VWA5B1: variants seen among roughly 807,000 people sequenced by gnomAD.
The protein encoded by VWA5B1 is von Willebrand factor A domain containing 5B1, also known as von Willebrand factor A domain-containing protein 5B1.
A neutral mutation model predicts 118.2 loss-of-function variants in VWA5B1; 115 were observed. The observed-to-expected ratio is 0.97, with a 90% CI of 0.84 to 1.14. The LOEUF is 1.14. Ranked by LOEUF, VWA5B1 falls within the 50% of genes most tolerant of loss-of-function variation. The pLI, the probability that VWA5B1 is intolerant of heterozygous loss-of-function variation, is 0.00. For synonymous variants in VWA5B1, 682 were observed against 658.4 expected, an observed-to-expected ratio of 1.04 and a Z score of -0.55; for missense variants, 1,596 against 1,603.8, an observed-to-expected ratio of 1.00 and a Z score of 0.08.
At chr1:20,348,427 C>A in intron 18 of VWA5B1, 69 bp downstream of exon 18, 1 of 1,482,012 alleles carries the variant, frequency 6.7e-7, no homozygotes, top group Non-Finnish European at 9.2e-7. Flanking sequence ...GAGGTTACCG[C>A]GTCCTCCTGT....
intron 1 of VWA5B1, among the ~76,000 whole-genome samples, chr1:20,296,333 T>C (rs2088406611): frequency 6.6e-6 from 1 of 152,228 alleles, no homozygotes; most frequent in Admixed American, 6.5e-5. Context: ...GGTAAGCAGC[T>C]GATTATACAA....
chr1:20,305,176 G>A (rs184158593), intron 1 of VWA5B1, among the ~76,000 whole-genome samples: 4 of 152,248 alleles, frequency 2.6e-5, no homozygotes, highest in Non-Finnish European at 5.9e-5. Flanking sequence ...AAGAAAGGAA[G>A]CTGGAAAGTG....
At position 20,343,402 on chromosome 1, in the gene VWA5B1, C is replaced by A; in HGVS notation, c.2626+9C>A. 6.6e-7 allele frequency: 1 copy of A among 1,509,658 alleles called. No homozygotes were observed. Among genetic ancestry groups the A allele is most frequent in the Non-Finnish European group, 8.8e-7 (1 of 1,131,388 alleles). 93.5% of individuals were successfully genotyped at this position (1,509,658 alleles called of 1,614,324 possible). On this transcript the variant is annotated intron_variant, in intron 16 of 21. Transcript: ENST00000289815. ...GGGCGAGATCGAGCAGGGTGAGCGCCACGGAACTGCGCCCCTCCCGCGGAC... is the reference window on the plus strand; with the variant it reads ...GGGCGAGATCGAGCAGGGTGAGCGCAACGGAACTGCGCCCCTCCCGCGGAC...
intron 4 of VWA5B1, among the ~76,000 whole-genome samples, chr1:20,317,119 G>A (rs567214658): frequency 2.2e-5 from 3 of 138,720 alleles, no homozygotes; most frequent in South Asian, 2.2e-4. Context: ...TAGCACCACT[G>A]CACTCCAGCC....
rs763700125 is a variant in VWA5B1, at chr1:20,358,376, C to T, written c.*4113C>T. Reference sequence around the variant, plus strand: ...AGATCCTGACTTGCCCTCTGTTAATCCCTACCCTTATTTGAGGGCCATGCT... The same window carrying T: ...AGATCCTGACTTGCCCTCTGTTAATTCCTACCCTTATTTGAGGGCCATGCT... On this transcript the variant is annotated 3_prime_UTR_variant, in exon 22 of 22. Coordinates refer to ENST00000289815, the MANE Select transcript of VWA5B1 (RefSeq NM_001039500.3). Among the ~76,000 whole-genome samples the T allele has an allele frequency of 7.2e-5, 11 of 152,202 alleles. No individual in the cohort carries two copies. The highest frequency in any genetic ancestry group is 3.9e-4 in the Admixed American group (6 of 15,280).
At chr1:20,348,125 C>T (rs1231921033) in intron 17 of VWA5B1, 120 bp from the exon 18 acceptor site, 1 of 973,638 alleles carries the variant, frequency 1.0e-6, no homozygotes, top group East Asian at 2.6e-5. Context: ...TGTACAACAC[C>T]TTCCTGCCTT....
At chr1:20,309,504 C>G (rs576091363) in intron 1 of VWA5B1, among the ~76,000 whole-genome samples, 1 of 152,178 alleles carries the variant, frequency 6.6e-6, no homozygotes. Context: ...ATGGAAGGAA[C>G]AGGACACATG....
chr1:20,330,504 C>A, intron 10 of VWA5B1, 122 bp downstream of exon 10: 2 of 1,219,668 alleles, frequency 1.6e-6, no homozygotes, highest in Non-Finnish European at 2.3e-6. Context: ...TCCCAAAGGG[C>A]TTTGCTTCCA....
chr1:20,307,588 G>A (rs1390604079), intron 1 of VWA5B1, among the ~76,000 whole-genome samples: 3 of 152,156 alleles, frequency 2.0e-5, no homozygotes, highest in Admixed American at 1.3e-4. Flanking sequence ...ATAAATTCCC[G>A]CTGTCATTGC....
intron 16 of VWA5B1, among the ~76,000 whole-genome samples, chr1:20,344,664 G>C (rs945881605): frequency 3.9e-5 from 6 of 152,156 alleles, no homozygotes; most frequent in African/African-American, 1.2e-4. Context: ...GATCTTGATG[G>C]AACACACTTG....
At chr1:20,321,222 G>T (rs1244434653) in intron 7 of VWA5B1, among the ~76,000 whole-genome samples, 1 of 151,898 alleles carries the variant, frequency 6.6e-6, no homozygotes, top group Admixed American at 6.6e-5. Context: ...AATCTTAGGG[G>T]GGCAATACTG....
chr1:20,319,598 C>A (rs550649167), intron 7 of VWA5B1, 92 bp downstream of exon 7: 244 of 1,508,216 alleles, frequency 1.6e-4, no homozygotes, highest in Non-Finnish European at 1.7e-4. Context: ...GGGGAGGTAA[C>A]CTGCCCGAGG....
chr1:20,345,649 T>C, intron 17 of VWA5B1, 56 bp downstream of exon 17: 1 of 1,484,920 alleles, frequency 6.7e-7, no homozygotes, highest in Non-Finnish European at 9.0e-7. Context: ...CCCTGTGGAC[T>C]AGGGGAGGGG....
chr1:20,335,892 G>A (rs1189350650), intron 12 of VWA5B1, among the ~76,000 whole-genome samples: 1 of 152,044 alleles, frequency 6.6e-6, no homozygotes, highest in Non-Finnish European at 1.5e-5. Flanking sequence ...AACTTTTATT[G>A]GAAAAAATCC....
chr1:20,316,611 A>T (rs1196954903), intron 4 of VWA5B1, among the ~76,000 whole-genome samples: 1 of 152,176 alleles, frequency 6.6e-6, no homozygotes, highest in East Asian at 1.9e-4. Context: ...ACAGAACAGG[A>T]TGGGAGATGG....
At chr1:20,340,197 G>GCA (rs1321044421) in intron 14 of VWA5B1, among the ~76,000 whole-genome samples, 1 of 143,802 alleles carries the variant, frequency 7.0e-6, no homozygotes, top group African/African-American at 2.4e-5. Flanking sequence ...TTATATGTGC[G>GCA]CGCACACACA....
In VWA5B1 at chr1:20,358,015, A is replaced by C. The variant is rs2090259449; in HGVS notation, c.*3752A>C. On this transcript the variant is annotated 3_prime_UTR_variant, in exon 22 of 22. Transcript: ENST00000289815. ...CCTGTCTCAGGCCCCTCAGCTCGAG[A>C]CCAACTCCAGATGCCAGGATAACTG... Among the ~76,000 whole-genome samples, 1 of 152,186 alleles carries C rather than the reference A, an allele frequency of 6.6e-6. No individual in the cohort carries two copies. Among genetic ancestry groups the C allele is most frequent in the Non-Finnish European group, 1.5e-5 (1 of 68,036 alleles).
At chr1:20,322,267 C>A (rs2089242634) in intron 7 of VWA5B1, among the ~76,000 whole-genome samples, 1 of 151,874 alleles carries the variant, frequency 6.6e-6, no homozygotes, top group Non-Finnish European at 1.5e-5. Context: ...GGGAAGGAAC[C>A]CAAATAGACA....
intron 14 of VWA5B1, 74 bp downstream of exon 14, chr1:20,337,910 A>G: frequency 1.3e-6 from 2 of 1,538,152 alleles, no homozygotes; most frequent in Non-Finnish European, 1.8e-6. Flanking sequence ...CCCTGCTTCA[A>G]CCGCAGGACG....
Sources: allele counts gnomAD v4.1 joint callset (sites outside exome capture counted in the v4.1 genomes callset), GRCh38; gene constraint gnomAD v4.1.1; transcripts MANE v1.5; gene names NCBI Gene and HGNC (gene_info 2026-07-23, HGNC 2026-07-21).